The following RTN1 variants were observed in gnomAD, a reference collection of about 807,000 sequenced individuals.
The protein encoded by RTN1 is reticulon 1, also known as reticulon-1.
A neutral mutation model predicts 65.5 loss-of-function variants in RTN1; 25 were observed. The observed-to-expected ratio is 0.38, with a 90% confidence interval of 0.28 to 0.53. RTN1 has a LOEUF of 0.53. RTN1 is among the 20% of genes least tolerant of loss of function. The pLI, the probability that RTN1 is intolerant of heterozygous loss-of-function variation, is 0.79. For synonymous variants in RTN1, 471 were observed against 447.6 expected, an observed-to-expected ratio of 1.05 and a Z score of -0.66; for missense variants, 983 against 1,025.4, an observed-to-expected ratio of 0.96 and a Z score of 0.57.
At chr14:59,632,120 G>C (rs552606019) in intron 3 of RTN1, among the ~76,000 whole-genome samples, 1 of 152,246 alleles carries the variant, frequency 6.6e-6, no homozygotes, top group South Asian at 2.1e-4. Flanking sequence ...CAAGCTTGTG[G>C]AGAAACCAGC....
intron 3 of RTN1, among the ~76,000 whole-genome samples, chr14:59,636,274 C>T (rs2140188566): frequency 6.6e-6 from 1 of 152,184 alleles, no homozygotes; most frequent in African/African-American, 2.4e-5. Flanking sequence ...GGTTTAGCAC[C>T]ATCCCCTTGG....
rs758843655 is a variant in RTN1 at position 59,849,795 on chromosome 14, C to T, written c.241+20595G>A. On this transcript the variant is annotated intron_variant, in intron 1 of 8. Coordinates refer to ENST00000267484, the MANE Select transcript of RTN1 (RefSeq NM_021136.3). The surrounding 1 kb of genome is among the most constrained non-coding windows in gnomAD (Gnocchi z 4.5). ...AGCCAAGAACTCCCACTCTCACTTACTCCAGGTTCTAGAATTTAGCCAAGT... is the reference window on the plus strand; with the variant it reads ...AGCCAAGAACTCCCACTCTCACTTATTCCAGGTTCTAGAATTTAGCCAAGT... Among the ~76,000 whole-genome samples, 39 of 152,360 alleles carry T rather than the reference C, an allele frequency of 2.6e-4. No individual in the cohort carries two copies. The highest frequency in any genetic ancestry group is 4.0e-4 in the Non-Finnish European group (27 of 68,038).
At chr14:59,610,756 A>G (rs1331262472) in intron 3 of RTN1, among the ~76,000 whole-genome samples, 1 of 151,984 alleles carries the variant, frequency 6.6e-6, no homozygotes, top group Non-Finnish European at 1.5e-5. Context: ...GCCACAAGAT[A>G]AGAAATTATG....
intron 1 of RTN1, among the ~76,000 whole-genome samples, chr14:59,749,934 AAT>A (rs1240760001): frequency 1.8e-5 from 2 of 110,532 alleles, no homozygotes; most frequent in Non-Finnish European, 3.4e-5. Flanking sequence ...CCTTGGTTCA[AAT>A]ATATATATAT....
chr14:59,680,839 C>T (rs1284375458), intron 3 of RTN1, among the ~76,000 whole-genome samples: 1 of 151,982 alleles, frequency 6.6e-6, no homozygotes, highest in Non-Finnish European at 1.5e-5. Context: ...AAGTGATAGG[C>T]ATCTTTATGC....
At chr14:59,865,451 G>A (rs1296742367) in intron 1 of RTN1, among the ~76,000 whole-genome samples, 1 of 152,160 alleles carries the variant, frequency 6.6e-6, no homozygotes, top group Non-Finnish European at 1.5e-5. Context: ...TGGGATCCCA[G>A]TATCTCTTTC....
At chr14:59,776,938 T>C (rs927270939) in intron 1 of RTN1, among the ~76,000 whole-genome samples, 8 of 152,186 alleles carry the variant, frequency 5.3e-5, no homozygotes, top group African/African-American at 1.7e-4. Flanking sequence ...GAAACTCCCA[T>C]AGATATTCTA....
rs538933828 is a variant in RTN1 at position 59,849,082 on chromosome 14, A to G, written c.241+21308T>C. ...GCTGGAAGACTCCTTTTCTATATGT[A>G]GTTTATGGCCTTGGTTGGAAACAAT... On this transcript the variant is annotated intron_variant, in intron 1 of 8. Transcript: ENST00000267484. The surrounding 1 kb of genome is among the most constrained non-coding windows in gnomAD (Gnocchi z 4.5). 1.3e-5 allele frequency among the ~76,000 whole-genome samples: 2 copies of G among 152,284 alleles called. No homozygotes were observed. Among genetic ancestry groups the G allele is most frequent in the East Asian group, 3.9e-4 (2 of 5,186 alleles).
intron 1 of RTN1, among the ~76,000 whole-genome samples, chr14:59,853,925 T>C (rs1364462583): frequency 6.7e-6 from 1 of 149,094 alleles, no homozygotes; most frequent in Non-Finnish European, 1.5e-5. Context: ...AGTGCAGAAG[T>C]GTAATCTCGG....
At chr14:59,622,516 T>C (rs1048589839) in intron 3 of RTN1, among the ~76,000 whole-genome samples, 1 of 113,634 alleles carries the variant, frequency 8.8e-6, no homozygotes, top group African/African-American at 2.5e-5. Flanking sequence ...GTGGACAGAG[T>C]AAGAAGGCTA....
In RTN1 at chr14:59,816,907, T is replaced by C. The variant is rs972855963; in HGVS notation, c.241+53483A>G. On this transcript the variant is annotated intron_variant, in intron 1 of 8. Coordinates refer to ENST00000267484, the MANE Select transcript of RTN1 (RefSeq NM_021136.3). The surrounding 1 kb of genome is among the most constrained non-coding windows in gnomAD (Gnocchi z 4.3). ...GAGATCGCGCCACTGTACTCCAGCC[T>C]GGGTGACAGAAAGAGACCGTGACTC... 3.3e-5 allele frequency among the ~76,000 whole-genome samples: 5 copies of C among 152,200 alleles called. No individual in the cohort carries two copies. The highest frequency in any genetic ancestry group is 1.2e-4 in the African/African-American group (5 of 41,452).
intron 3 of RTN1, among the ~76,000 whole-genome samples, chr14:59,637,583 G>A (rs549218614): frequency 1.2e-4 from 18 of 151,872 alleles, no homozygotes; most frequent in African/African-American, 4.1e-4. Context: ...GTGGTGGTGC[G>A]TGCCTGTAGT....
rs1346540204 is a variant in RTN1, at chr14:59,726,909, G to A, written c.1765+10C>T. 1 of 1,606,980 alleles carries A rather than the reference G, an allele frequency of 6.2e-7. No individual in the cohort carries two copies. Among genetic ancestry groups the A allele is most frequent in the East Asian group, 2.2e-5 (1 of 44,728 alleles). The stretch of plus-strand genomic sequence containing the variant: ...ACACTAACCAAGCATCCCTGCTTGG[G>A]ATCCTTTACCTTTTTGCTTATTGAG... On this transcript the variant is annotated intron_variant, in intron 3 of 8. Coordinates refer to ENST00000267484, the MANE Select transcript of RTN1 (RefSeq NM_021136.3).
intron 3 of RTN1, among the ~76,000 whole-genome samples, chr14:59,664,277 T>C (rs1322470689): frequency 6.6e-6 from 1 of 151,752 alleles, no homozygotes; most frequent in African/African-American, 2.4e-5. Flanking sequence ...TGAGAACACA[T>C]GGACACAGGG....
At chr14:59,709,046 T>A (rs927310667) in intron 3 of RTN1, among the ~76,000 whole-genome samples, 14 of 152,302 alleles carry the variant, frequency 9.2e-5, no homozygotes, top group African/African-American at 3.4e-4. Flanking sequence ...CTTGGGAGAA[T>A]CTGCATATGA....
chr14:59,798,528 C>G (rs916737672), intron 1 of RTN1, among the ~76,000 whole-genome samples: 1 of 152,026 alleles, frequency 6.6e-6, no homozygotes, highest in South Asian at 2.1e-4. Flanking sequence ...TTGGCTTGTG[C>G]CCCATTCTCC....
At chr14:59,672,201 T>G (rs6573280) in intron 3 of RTN1, among the ~76,000 whole-genome samples, 64,450 of 151,964 alleles carry the variant, frequency 0.42, 14,585 homozygotes, top group African/African-American at 0.57. Flanking sequence ...CCAGGAAAAA[T>G]GAGACACTTG....
rs534002550 is a variant in RTN1 at position 59,605,193 on chromosome 14, T to G, written c.2112+175A>C. ...AAATGTCTCAGCCACATTTTCATCATTGGTACAATGAAGGGATTAGACTGG... is the reference window on the plus strand; with the variant it reads ...AAATGTCTCAGCCACATTTTCATCAGTGGTACAATGAAGGGATTAGACTGG... On this transcript the variant is annotated intron_variant, in intron 5 of 8. Transcript: ENST00000267484. The G allele has an allele frequency of 1.0e-5, 6 of 593,360 alleles. No individual in the cohort carries two copies. In the South Asian group the frequency reaches 1.7e-4, roughly 17 times the overall value. The allele number at this position is 593,360 out of a possible 1,614,324, so 36.8% of individuals were successfully genotyped here.
Position 59,596,721 on chromosome 14 carries a change from TC to T in RTN1, c.*23del, listed in dbSNP as rs1566654478. On this transcript the variant is annotated 3_prime_UTR_variant, in exon 9 of 9. Transcript: ENST00000267484. Reference sequence around the variant, plus strand: ...ACCACTCCAGACATTCCTGTTTGTGTCCAGTCCCCGGTGGGAAATCAGTTTA... The same window carrying T: ...ACCACTCCAGACATTCCTGTTTGTGTCAGTCCCCGGTGGGAAATCAGTTTA... 1 of 1,584,660 alleles carries T rather than the reference TC, an allele frequency of 6.3e-7. No homozygotes were observed. Among genetic ancestry groups the T allele is most frequent in the Admixed American group, 1.7e-5 (1 of 59,966 alleles).
Sources: allele counts gnomAD v4.1 joint callset (sites outside exome capture counted in the v4.1 genomes callset), GRCh38; gene constraint gnomAD v4.1.1; non-coding constraint Gnocchi (gnomAD v3.1); transcripts MANE v1.5; gene names NCBI Gene and HGNC (gene_info 2026-07-23, HGNC 2026-07-21).